The following MACROD2 variants were observed in gnomAD, a reference collection of about 807,000 sequenced individuals.
MACROD2 encodes the protein mono-ADP ribosylhydrolase 2, also known as ADP-ribose glycohydrolase MACROD2.
In MACROD2, 36 loss-of-function variants were observed where a neutral mutation model predicts 70.4. That is an observed-to-expected ratio of 0.51 (90% CI 0.39 to 0.68). MACROD2 has a LOEUF of 0.68. Ranked by LOEUF, MACROD2 falls within the 30% of genes least tolerant of loss-of-function variation. The probability of loss-of-function intolerance (pLI) is 0.00; values close to 1 mark genes in which losing one functional copy is unlikely to be tolerated. For missense variants in MACROD2, 496 were observed against 538.4 expected (o/e 0.92, Z 0.78); for synonymous variants, 172 against 178.8 (o/e 0.96, Z 0.30).
intron 5 of MACROD2, among the ~76,000 whole-genome samples, chr20:14,951,823 C>G (rs1281759363): frequency 6.6e-6 from 1 of 152,074 alleles, no homozygotes; most frequent in Admixed American, 6.6e-5. Flanking sequence ...GCCTCCATCA[C>G]TCAGTGTCTC....
At chr20:15,589,530 C>T (rs1024408208) in intron 8 of MACROD2, among the ~76,000 whole-genome samples, 3 of 152,184 alleles carry the variant, frequency 2.0e-5, no homozygotes, top group African/African-American at 7.2e-5. Flanking sequence ...ATTGACATGT[C>T]ATTATCACCC....
chr20:15,573,637 T>C (rs1001820762), intron 8 of MACROD2, among the ~76,000 whole-genome samples: 2 of 152,138 alleles, frequency 1.3e-5, no homozygotes, highest in African/African-American at 4.8e-5. Flanking sequence ...ATCTGAAATG[T>C]GTTAAAGTGA....
intron 8 of MACROD2, among the ~76,000 whole-genome samples, chr20:15,542,459 G>C (rs1328947655): frequency 6.6e-6 from 1 of 152,118 alleles, no homozygotes; most frequent in Non-Finnish European, 1.5e-5. Flanking sequence ...TAGGACCAGT[G>C]GGAGATGACC....
At chr20:15,785,935 G>A (rs1016934154) in intron 8 of MACROD2, among the ~76,000 whole-genome samples, 1 of 152,114 alleles carries the variant, frequency 6.6e-6, no homozygotes, top group Non-Finnish European at 1.5e-5. Flanking sequence ...AATACCCAAA[G>A]AGACACAGGA....
At chr20:14,810,235 T>C (rs1370851332) in intron 5 of MACROD2, among the ~76,000 whole-genome samples, 3 of 152,026 alleles carry the variant, frequency 2.0e-5, no homozygotes, top group Non-Finnish European at 2.9e-5. Context: ...AAAAAACTTA[T>C]CCACCATGAT....
At chr20:15,344,831 G>A (rs368470457) in intron 6 of MACROD2, among the ~76,000 whole-genome samples, 1 of 152,206 alleles carries the variant, frequency 6.6e-6, no homozygotes, top group East Asian at 1.9e-4. Context: ...ACCTGTAATA[G>A]AGCCTAGAAA....
chr20:14,940,148 CAAAAAA>C (rs57697517), intron 5 of MACROD2, among the ~76,000 whole-genome samples: 1,675 of 55,036 alleles, frequency 0.03, 27 homozygotes, highest in African/African-American at 0.074. Flanking sequence ...CTCATCTCTG[CAAAAAA>C]AAAAAAAAAA....
At chr20:15,494,347 T>A (rs1016738029) in intron 7 of MACROD2, among the ~76,000 whole-genome samples, 2 of 152,004 alleles carry the variant, frequency 1.3e-5, no homozygotes, top group Admixed American at 6.6e-5. Flanking sequence ...CAGAAACACA[T>A]GCTTATGTCC....
At chr20:15,956,726 C>A (rs1326815870) in intron 12 of MACROD2, among the ~76,000 whole-genome samples, 3 of 152,164 alleles carry the variant, frequency 2.0e-5, no homozygotes, top group African/African-American at 7.2e-5. Flanking sequence ...CCTTCAGGAT[C>A]TGAAGCTCTG....
intron 7 of MACROD2, among the ~76,000 whole-genome samples, chr20:15,470,920 T>C (rs1317092739): frequency 2.0e-5 from 3 of 152,190 alleles, no homozygotes; most frequent in African/African-American, 7.2e-5. Flanking sequence ...AGTCCTTGGC[T>C]TTGCTGATGC....
At chr20:16,027,189 T>C (rs976302378) in intron 15 of MACROD2, among the ~76,000 whole-genome samples, 8 of 152,176 alleles carry the variant, frequency 5.3e-5, no homozygotes, top group Non-Finnish European at 7.3e-5. Context: ...AGACCGGAAA[T>C]GGAATTAGCT....
At chr20:15,155,453 C>T (rs1254455501) in intron 5 of MACROD2, among the ~76,000 whole-genome samples, 1 of 152,158 alleles carries the variant, frequency 6.6e-6, no homozygotes, top group East Asian at 1.9e-4. Flanking sequence ...TTAGCCTGCC[C>T]CCTCCACCTG....
chr20:15,716,289 C>T (rs543241027), intron 8 of MACROD2, among the ~76,000 whole-genome samples: 40 of 152,270 alleles, frequency 2.6e-4, no homozygotes, highest in Admixed American at 1.6e-3. Flanking sequence ...ATCTCTCCTA[C>T]GAATGGTTTT....
At chr20:14,646,719 G>T (rs1440046171) in intron 4 of MACROD2, among the ~76,000 whole-genome samples, 1 of 151,938 alleles carries the variant, frequency 6.6e-6, no homozygotes, top group Non-Finnish European at 1.5e-5. Context: ...TAACATAATG[G>T]TACATTGTTT....
chr20:15,802,545 T>G (rs2063735331), intron 8 of MACROD2, among the ~76,000 whole-genome samples: 1 of 149,550 alleles, frequency 6.7e-6, no homozygotes, highest in African/African-American at 2.4e-5. Flanking sequence ...TATCACTTGA[T>G]CATTGTATAT....
intron 1 of MACROD2, among the ~76,000 whole-genome samples, chr20:13,997,046 G>C (rs1004602271): frequency 6.6e-6 from 1 of 152,084 alleles, no homozygotes; most frequent in African/African-American, 2.4e-5. Flanking sequence ...ATATAGGATC[G>C]GCTTCCACAA....
intron 5 of MACROD2, among the ~76,000 whole-genome samples, chr20:15,086,826 A>G (rs997589684): frequency 6.6e-6 from 1 of 152,092 alleles, no homozygotes; most frequent in Non-Finnish European, 1.5e-5. Flanking sequence ...TTAGTTCAAG[A>G]TCCCCCGCTT....
At chr20:15,095,442 T>C (rs1010243831) in intron 5 of MACROD2, among the ~76,000 whole-genome samples, 1 of 152,098 alleles carries the variant, frequency 6.6e-6, no homozygotes, top group African/African-American at 2.4e-5. Flanking sequence ...CACTTGCTTA[T>C]CATGTTTTTA....
intron 5 of MACROD2, among the ~76,000 whole-genome samples, chr20:15,073,610 T>C (rs2075635958): frequency 6.6e-6 from 1 of 152,026 alleles, no homozygotes; most frequent in African/African-American, 2.4e-5. Context: ...ATAATTCTCC[T>C]TATGTGTAAT....
Sources: gnomAD v4.1 joint callset for allele counts (sites outside exome capture counted in the v4.1 genomes callset) on GRCh38, gnomAD v4.1.1 for gene constraint, MANE v1.5 for transcripts, NCBI Gene and HGNC (gene_info 2026-07-23, HGNC 2026-07-21) for gene names.